SLC12A3: variants seen among roughly 807,000 people sequenced by gnomAD.
SLC12A3 encodes solute carrier family 12 member 3.
In SLC12A3, 104 loss-of-function variants were observed where a neutral mutation model predicts 121.0. The observed-to-expected ratio is 0.86, with a 90% CI of 0.73 to 1.01. The LOEUF is 1.01. SLC12A3 is among the 50% of genes least tolerant of loss of function. The pLI is 0.00. For synonymous variants in SLC12A3, 536 were observed against 533.4 expected (o/e 1.00, Z -0.07); for missense variants, 1,328 against 1,356.3 (o/e 0.98, Z 0.33).
At chr16:56,910,284 T>G (rs569385921) in intron 25 of SLC12A3, among the ~76,000 whole-genome samples, 70 of 151,760 alleles carry the variant, frequency 4.6e-4, no homozygotes, top group Middle Eastern at 3.4e-3. Flanking sequence ...TGTTGTTGTT[T>G]TTTCTCTTTC....
At chr16:56,879,262 G>C in intron 10 of SLC12A3, 35 bp downstream of exon 10, 1 of 1,613,070 alleles carries the variant, frequency 6.2e-7, no homozygotes, top group Non-Finnish European at 8.5e-7. Flanking sequence ...CAGACACAGT[G>C]GGGGCTGGGT....
chr16:56,887,901 C>T (rs747656898), intron 17 of SLC12A3, 24 bp from the exon 18 acceptor site: 2 of 1,589,276 alleles, frequency 1.3e-6, no homozygotes, highest in Non-Finnish European at 1.7e-6. Flanking sequence ...ATGGGTTCCC[C>T]ATCTCACCCC....
intron 18 of SLC12A3, among the ~76,000 whole-genome samples, chr16:56,889,464 C>T (rs150059423): frequency 1.3e-3 from 202 of 152,230 alleles, no homozygotes; most frequent in Non-Finnish European, 2.4e-3. Context: ...GTCTTCCAGA[C>T]ATCTTTAATT....
Position 56,869,809 on chromosome 16 carries a change from G to A in SLC12A3, c.586G>A (p.Gly196Ser). The A allele has an allele frequency of 3.7e-6, 6 of 1,614,032 alleles. No individual in the cohort carries two copies. Among genetic ancestry groups the A allele is most frequent in the Non-Finnish European group, 5.1e-6 (6 of 1,179,938 alleles). ...GLSISAISTN[G>S]KVKSGGTYFL... ...CTCCATCTCAGCCATCTCCACCAAT[G>A]GCAAGGTCAAGTCAGGTGGGCCATC... The change falls in exon 4 of 26, where the codon GGC becomes AGC. Residue 196 changes from glycine (G) to serine (S), a missense_variant. Gly to Ser is a moderately conservative substitution (Grantham distance 56). Transcript: ENST00000563236.
At chr16:56,887,798 A>ATATATATATATATATATATTTTT (rs1433682477) in intron 17 of SLC12A3, 127 bp from the exon 18 acceptor site, 1 of 68,456 alleles carries the variant, frequency 1.5e-5, no homozygotes, top group Non-Finnish European at 2.9e-5. Context: ...ATATATATAT[A>ATATATATATATATATATATTTTT]TTTTTTTTTT....
intron 15 of SLC12A3, among the ~76,000 whole-genome samples, chr16:56,885,656 C>G (rs1376078030): frequency 6.6e-6 from 1 of 152,130 alleles, no homozygotes; most frequent in Non-Finnish European, 1.5e-5. Context: ...ACAGTATCGC[C>G]GGAGCCAATG....
Position 56,913,529 on chromosome 16 carries a change from T to C in SLC12A3, c.*124T>C. ...CACTTTAAGTGGCAGCATCTGATGA[T>C]CTCACCGAAAAAGATGGTAGATTTC... On this transcript the variant is annotated 3_prime_UTR_variant, in exon 26 of 26. Coordinates refer to ENST00000563236, the MANE Select transcript of SLC12A3 (RefSeq NM_001126108.2). 9.9e-7 allele frequency: 1 copy of C among 1,009,444 alleles called. No homozygotes were observed. The highest frequency in any genetic ancestry group is 1.6e-6 in the Non-Finnish European group (1 of 633,444). The allele number at this position is 1,009,444 out of a possible 1,614,324, so 62.5% of individuals were successfully genotyped here. A position where few individuals can be genotyped will look rare whatever the true frequency, so the allele number is the denominator to read the frequency against.
chr16:56,872,561 C>T (rs369017672), intron 7 of SLC12A3, 95 bp from the exon 8 acceptor site: 6 of 1,585,762 alleles, frequency 3.8e-6, no homozygotes, highest in Admixed American at 1.7e-5. Flanking sequence ...TGGGATTACC[C>T]AATCCCATGG....
intron 20 of SLC12A3, 69 bp from the exon 21 acceptor site, chr16:56,892,884 G>A: frequency 1.6e-6 from 2 of 1,287,050 alleles, no homozygotes; most frequent in Non-Finnish European, 2.2e-6. Context: ...GCGTTGGCGG[G>A]GCCCTGGGCC....
At position 56,887,036 on chromosome 16, in the gene SLC12A3, C is replaced by A. The variant is rs762500731; in HGVS notation, c.2121C>A (p.Ala707=). 6.2e-7 allele frequency: 1 copy of A among 1,614,010 alleles called. No individual in the cohort carries two copies. The highest frequency in any genetic ancestry group is 1.7e-5 in the Admixed American group (1 of 60,026). ...GGCTGAACAAGAGGAAGATCAAGGC[C>A]TTCTACTCGGATGTCATTGCCGAGG... ...TKWLNKRKIK[A]FYSDVIAEDL... The change falls in exon 17 of 26, where the codon GCC becomes GCA. Residue 707 remains alanine, a synonymous_variant. Transcript: ENST00000563236.
chr16:56,902,402 C>T lies in SLC12A3; in HGVS notation c.2750C>T (p.Pro917Leu), dbSNP rs1388360927. Residue 917 changes from proline to leucine, a missense_variant, in exon 24 of 26, where the codon CCC becomes CTC. Coordinates refer to ENST00000563236, the MANE Select transcript of SLC12A3 (RefSeq NM_001126108.2). ...AAGAGGTTTGAGGACATGATTGCACCCTTCCGTCTGAATGATGGCTTCAAG... is the reference window on the plus strand; with the variant it reads ...AAGAGGTTTGAGGACATGATTGCACTCTTCCGTCTGAATGATGGCTTCAAG... ...HTKRFEDMIA[P>L]FRLNDGFKDE... The T allele has an allele frequency of 9.3e-6, 15 of 1,613,850 alleles. No homozygotes were observed. The highest frequency in any genetic ancestry group is 1.3e-5 in the Non-Finnish European group (15 of 1,179,962).
intron 21 of SLC12A3, among the ~76,000 whole-genome samples, chr16:56,894,018 T>TATTG (rs1567442505): frequency 1.4e-5 from 2 of 140,140 alleles, no homozygotes; most frequent in Non-Finnish European, 1.5e-5. Flanking sequence ...TTTATTTATT[T>TATTG]ATTGAGATGG....
chr16:56,900,772 C>G (rs2055527480), intron 23 of SLC12A3, among the ~76,000 whole-genome samples: 2 of 152,064 alleles, frequency 1.3e-5, no homozygotes, highest in African/African-American at 4.8e-5. Context: ...CTCAGGTGAC[C>G]CACCCGCCTT....
intron 13 of SLC12A3, 107 bp downstream of exon 13, chr16:56,882,604 C>T: frequency 1.2e-6 from 1 of 817,972 alleles, no homozygotes; most frequent in Non-Finnish European, 2.2e-6. Flanking sequence ...AGCCCAAGGT[C>T]ACCTCTCAAT....
chr16:56,889,309 A>G (rs1378662914), intron 18 of SLC12A3, among the ~76,000 whole-genome samples: 8 of 152,166 alleles, frequency 5.3e-5, no homozygotes, highest in Admixed American at 2.0e-4. Context: ...TTCAAAAAGC[A>G]GGGCCTGAAA....
chr16:56,865,861 C>G (rs1964341305), intron 1 of SLC12A3, among the ~76,000 whole-genome samples: 1 of 152,206 alleles, frequency 6.6e-6, no homozygotes, highest in African/African-American at 2.4e-5. Context: ...GCCGGGTTTG[C>G]TGCCCGGGAG....
chr16:56,889,244 G>A (rs2055358083), intron 18 of SLC12A3, among the ~76,000 whole-genome samples: 1 of 152,228 alleles, frequency 6.6e-6, no homozygotes, highest in Non-Finnish European at 1.5e-5. Flanking sequence ...AATTACAGCA[G>A]CAACTGATAG....
chr16:56,884,202 C>T lies in SLC12A3; in HGVS notation c.1823C>T (p.Pro608Leu). The change falls in exon 14 of 26, where the codon CCA becomes CTA. Residue 608 changes from proline (P) to leucine (L), a missense_variant and splice_region_variant. Physicochemically the swap from Pro to Leu is moderately conservative, Grantham distance 98. Coordinates refer to ENST00000563236, the MANE Select transcript of SLC12A3 (RefSeq NM_001126108.2). ...CTGCTCTATGTCATCTACAAGAAGCCAGGTGCGCATCTCAGCTGCGGGGCC... is the reference window on the plus strand; with the variant it reads ...CTGCTCTATGTCATCTACAAGAAGCTAGGTGCGCATCTCAGCTGCGGGGCC... ...FLLLYVIYKKPEVNWGSSVQA... is the reference protein window; with the variant it reads ...FLLLYVIYKKLEVNWGSSVQA... 6.2e-7 allele frequency: 1 copy of T among 1,614,088 alleles called. No homozygotes were observed.
At chr16:56,887,798 A>ATATATATATATATATATATATTT (rs1433682477) in intron 17 of SLC12A3, 127 bp from the exon 18 acceptor site, 2 of 68,456 alleles carry the variant, frequency 2.9e-5, no homozygotes, top group Non-Finnish European at 5.8e-5. Context: ...ATATATATAT[A>ATATATATATATATATATATATTT]TTTTTTTTTT....
Sources: gnomAD v4.1 joint callset for allele counts (sites outside exome capture counted in the v4.1 genomes callset) on GRCh38, gnomAD v4.1.1 for gene constraint, MANE v1.5 for transcripts, NCBI Gene and HGNC (gene_info 2026-07-23, HGNC 2026-07-21) for gene names.